The following COL26A1 variants were observed in gnomAD, a reference collection of about 807,000 sequenced individuals.
COL26A1 encodes the protein collagen alpha-1(XXVI) chain.
In COL26A1, 41 loss-of-function variants were observed where a neutral mutation model predicts 59.3. The observed-to-expected ratio is 0.69, with a 90% CI of 0.54 to 0.90. The LOEUF (loss-of-function observed/expected upper bound fraction) is 0.90, where lower values mean the gene tolerates loss of function less well. Ranked by LOEUF, COL26A1 falls within the 40% of genes least tolerant of loss-of-function variation. The pLI, the probability that COL26A1 is intolerant of heterozygous loss-of-function variation, is 0.00. For synonymous variants in COL26A1, 266 were observed against 256.0 expected, an observed-to-expected ratio of 1.04 and a Z score of -0.37; for missense variants, 612 against 602.3, an observed-to-expected ratio of 1.02 and a Z score of -0.17.
chr7:101,525,650 T>C (rs1464895096), intron 3 of COL26A1, among the ~76,000 whole-genome samples: 7 of 149,078 alleles, frequency 4.7e-5, no homozygotes, highest in South Asian at 2.1e-4. Flanking sequence ...GTGCCCACCA[T>C]CACGCCCGGC....
At chr7:101,403,984 C>A (rs1197361320) in intron 1 of COL26A1, among the ~76,000 whole-genome samples, 1 of 151,864 alleles carries the variant, frequency 6.6e-6, no homozygotes, top group Non-Finnish European at 1.5e-5. Flanking sequence ...GTCCCAGCTA[C>A]TTGGGAGGCT....
intron 3 of COL26A1, among the ~76,000 whole-genome samples, chr7:101,512,901 A>C (rs1303132211): frequency 2.0e-5 from 3 of 152,286 alleles, no homozygotes; most frequent in Admixed American, 2.0e-4. Flanking sequence ...AAACTAGGAA[A>C]AGAAAGAAGC....
intron 1 of COL26A1, among the ~76,000 whole-genome samples, chr7:101,393,582 A>G (rs1420508461): frequency 1.3e-5 from 2 of 152,266 alleles, no homozygotes; most frequent in Admixed American, 6.5e-5. Context: ...CCCAGGATCA[A>G]TACTTTGCAT....
chr7:101,521,837 C>T (rs1379203708), intron 3 of COL26A1, among the ~76,000 whole-genome samples: 2 of 151,968 alleles, frequency 1.3e-5, no homozygotes, highest in African/African-American at 2.4e-5. Context: ...TAGACTCTTC[C>T]GCTTGTTTCT....
At chr7:101,503,789 C>T (rs2130565840) in intron 3 of COL26A1, among the ~76,000 whole-genome samples, 1 of 152,332 alleles carries the variant, frequency 6.6e-6, no homozygotes, top group South Asian at 2.1e-4. Flanking sequence ...GTCCTGAAGT[C>T]ACAGGCACTG....
In COL26A1 at chr7:101,419,957, G is replaced by A. The variant is rs957222029; in HGVS notation, c.159-20G>A. The stretch of plus-strand genomic sequence containing the variant: ...CTCTGGGAACAGGCAGGGCTCATGT[G>A]ACTGTTGCTCTCTCCACAGGCACTG... On this transcript the variant is annotated intron_variant, in intron 1 of 12. Transcript: ENST00000313669. 6.2e-6 allele frequency: 10 copies of A among 1,612,178 alleles called. No homozygotes were observed. The highest frequency in any genetic ancestry group is 8.5e-6 in the Non-Finnish European group (10 of 1,179,344).
At chr7:101,471,567 G>GTTTTTTTTTTTTTTTTTTTTT (rs796287195) in intron 3 of COL26A1, among the ~76,000 whole-genome samples, 3 of 112,420 alleles carry the variant, frequency 2.7e-5, no homozygotes, top group African/African-American at 1.1e-4. Context: ...TGTTGTTGTT[G>GTTTTTTTTTTTTTTTTTTTTT]TTTGTTTTTT....
intron 1 of COL26A1, among the ~76,000 whole-genome samples, chr7:101,363,554 G>T (rs71559409): frequency 0.56 from 70,321 of 124,952 alleles, 21,045 homozygotes; most frequent in African/African-American, 0.78. Flanking sequence ...GGGGGTTGGG[G>T]GCTGCAGACG....
chr7:101,517,644 C>G (rs1795057064), intron 3 of COL26A1, among the ~76,000 whole-genome samples: 1 of 152,020 alleles, frequency 6.6e-6, no homozygotes, highest in Non-Finnish European at 1.5e-5. Context: ...TGTGGGAATT[C>G]AAGATGAGAT....
intron 1 of COL26A1, among the ~76,000 whole-genome samples, chr7:101,367,871 C>G (rs1211269127): frequency 6.6e-6 from 1 of 152,128 alleles, no homozygotes; most frequent in Non-Finnish European, 1.5e-5. Flanking sequence ...GCCATTCAGT[C>G]TGTGGTATTC....
intron 3 of COL26A1, among the ~76,000 whole-genome samples, chr7:101,450,931 TATC>T (rs1423413372): frequency 8.0e-6 from 1 of 125,390 alleles, no homozygotes; most frequent in African/African-American, 4.7e-5. Flanking sequence ...TAATATATAT[TATC>T]AATAATTATA....
chr7:101,515,739 C>T (rs1795015372), intron 3 of COL26A1, among the ~76,000 whole-genome samples: 1 of 152,040 alleles, frequency 6.6e-6, no homozygotes. Context: ...CAGGTGTGTG[C>T]CACCACAACC....
intron 3 of COL26A1, among the ~76,000 whole-genome samples, chr7:101,463,903 T>TTCTTTCTTTCTTTCTTTC (rs377202948): frequency 3.4e-4 from 17 of 49,906 alleles, no homozygotes; most frequent in African/African-American, 1.1e-3. Flanking sequence ...CTTTCTTTCT[T>TTCTTTCTTTCTTTCTTTC]TTTCTTTCTC....
rs11983760 is a variant in COL26A1 at position 101,557,892 on chromosome 7, T to A, written c.*362T>A. The stretch of plus-strand genomic sequence containing the variant: ...GTTACGTTGTCTCATTATTTAACCC[T>A]TAGGAGGTAAGCTTATTATCCCCAC... On this transcript the variant is annotated 3_prime_UTR_variant, in exon 13 of 13. Coordinates refer to ENST00000313669, the MANE Select transcript of COL26A1 (RefSeq NM_001278563.3). The A allele has an allele frequency of 5.5e-6, 1 of 181,474 alleles. No individual in the cohort carries two copies. Among genetic ancestry groups the A allele is most frequent in the African/African-American group, 2.3e-5 (1 of 42,644 alleles). 11.2% of individuals were successfully genotyped at this position (181,474 alleles called of 1,614,324 possible). A position where few individuals can be genotyped will look rare whatever the true frequency, so the allele number is the denominator to read the frequency against.
chr7:101,525,626 A>G (rs1328510842), intron 3 of COL26A1, among the ~76,000 whole-genome samples: 1 of 151,092 alleles, frequency 6.6e-6, no homozygotes, highest in African/African-American at 2.4e-5. Flanking sequence ...CCTCCTGAGT[A>G]GCTGGGACTA....
intron 2 of COL26A1, among the ~76,000 whole-genome samples, chr7:101,424,194 G>A (rs998108596): frequency 2.0e-5 from 3 of 151,624 alleles, no homozygotes; most frequent in South Asian, 2.1e-4. Context: ...GAGCGAGACC[G>A]TGTCTGAAAA....
chr7:101,440,660 G>C (rs1793034616), intron 2 of COL26A1, among the ~76,000 whole-genome samples: 1 of 152,106 alleles, frequency 6.6e-6, no homozygotes, highest in African/African-American at 2.4e-5. Flanking sequence ...ATGGAATTCA[G>C]AATGAGGGGC....
chr7:101,511,728 G>A (rs183095263), intron 3 of COL26A1, among the ~76,000 whole-genome samples: 4 of 152,334 alleles, frequency 2.6e-5, no homozygotes, highest in Admixed American at 1.3e-4. Context: ...GAGGACCCCG[G>A]TTCTGCTGAA....
intron 8 of COL26A1, among the ~76,000 whole-genome samples, chr7:101,548,347 T>G (rs904499648): frequency 1.3e-5 from 2 of 152,152 alleles, no homozygotes; most frequent in Non-Finnish European, 2.9e-5. Flanking sequence ...CCTAGCAGGC[T>G]GGAGATTAGT....
Sources: gnomAD v4.1 joint callset for allele counts (sites outside exome capture counted in the v4.1 genomes callset) on GRCh38, gnomAD v4.1.1 for gene constraint, MANE v1.5 for transcripts, NCBI Gene and HGNC (gene_info 2026-07-23, HGNC 2026-07-21) for gene names.